ADAM22: variants seen among roughly 807,000 people sequenced by gnomAD.
ADAM22 encodes the protein disintegrin and metalloproteinase domain-containing protein 22.
Under a neutral mutation model 144.6 loss-of-function variants are expected in ADAM22, and 65 were observed. That is an observed-to-expected ratio of 0.45 (90% CI 0.37 to 0.55). The LOEUF (loss-of-function observed/expected upper bound fraction) is 0.55. ADAM22 is among the 20% of genes least tolerant of loss of function. The probability of loss-of-function intolerance (pLI) is 0.00; values close to 1 mark genes in which losing one functional copy is unlikely to be tolerated. For missense variants in ADAM22, 974 were observed against 1,184.9 expected, an observed-to-expected ratio of 0.82 and a Z score of 2.61; for synonymous variants, 391 against 412.6, an observed-to-expected ratio of 0.95 and a Z score of 0.63.
chr7:88,006,683 C>T (rs1407458123), intron 3 of ADAM22, among the ~76,000 whole-genome samples: 2 of 148,470 alleles, frequency 1.3e-5, no homozygotes, highest in Non-Finnish European at 3.0e-5. Context: ...CAGAAAAGGC[C>T]TTTGACAAAA....
At chr7:88,008,502 A>G (rs1276705864) in intron 3 of ADAM22, among the ~76,000 whole-genome samples, 4 of 152,202 alleles carry the variant, frequency 2.6e-5, no homozygotes, top group Non-Finnish European at 5.9e-5. Flanking sequence ...AACCAAGGCA[A>G]ATGTCCAACA....
chr7:88,047,233 T>C (rs1804909282), intron 3 of ADAM22, among the ~76,000 whole-genome samples: 1 of 152,222 alleles, frequency 6.6e-6, no homozygotes, highest in South Asian at 2.1e-4. Context: ...ACTTAAACTC[T>C]CAGGCAGGCT....
At chr7:88,052,681 A>C (rs1394184450) in intron 3 of ADAM22, among the ~76,000 whole-genome samples, 7 of 152,050 alleles carry the variant, frequency 4.6e-5, no homozygotes, top group African/African-American at 1.7e-4. Flanking sequence ...TTCCTTGTTT[A>C]TCTCTATTGT....
In ADAM22 at chr7:88,136,027, A is replaced by G. The variant is rs986193445; in HGVS notation, c.1216A>G (p.Thr406Ala). The G allele has an allele frequency of 6.2e-7, 1 of 1,612,206 alleles. No homozygotes were observed. The highest frequency in any genetic ancestry group is 8.5e-7 in the Non-Finnish European group (1 of 1,178,976). Residue 406 changes from threonine to alanine, a missense_variant, in exon 14 of 32, where the codon ACT becomes GCT. By Grantham distance (58) the Thr-to-Ala change is moderately conservative. Around this residue, in one of 2 missense-constraint regions of ADAM22, gnomAD observed 734 missense variants for 950.6 expected, o/e 0.77. Coordinates refer to ENST00000413139, the MANE Select transcript of ADAM22 (RefSeq NM_001324418.2). ...DTWSGCIMGD[T>A]GYYLPKKFTQ... ...GTGGTCCGGGTGCATAATGGGAGAC[A>G]CTGGGTGAGCCACTTGTATTTGAAA...
rs532251686 is a variant in ADAM22 at position 88,021,991 on chromosome 7, G to T, written c.323+43579G>T. ...GGGCTCAAGTGATCCTCCCATTTCC[G>T]CCTCCCGAATGTTGAGGACTACAGA... On this transcript the variant is annotated intron_variant, in intron 3 of 31. Transcript: ENST00000413139. 4.6e-5 allele frequency among the ~76,000 whole-genome samples: 7 copies of T among 151,858 alleles called. No individual in the cohort carries two copies. The East Asian group carries it at 1.2e-3, about 25-fold the overall frequency.
intron 4 of ADAM22, among the ~76,000 whole-genome samples, chr7:88,095,897 T>C (rs1270729388): frequency 6.6e-6 from 1 of 152,084 alleles, no homozygotes; most frequent in Non-Finnish European, 1.5e-5. Flanking sequence ...CTTGTTAGAA[T>C]TTTTTGTAAA....
At chr7:87,973,928 G>A (rs1851189978) in intron 2 of ADAM22, among the ~76,000 whole-genome samples, 2 of 151,948 alleles carry the variant, frequency 1.3e-5, no homozygotes, top group Non-Finnish European at 2.9e-5. Context: ...TCACACACCG[G>A]GGACTGTTGT....
At chr7:87,935,555 T>C (rs769643015) in intron 2 of ADAM22, among the ~76,000 whole-genome samples, 5 of 152,120 alleles carry the variant, frequency 3.3e-5, no homozygotes, top group Admixed American at 2.0e-4. Context: ...GTTTTACTCC[T>C]CAAAGAGACT....
At chr7:88,109,718 T>TGA (rs1349829229) in intron 5 of ADAM22, among the ~76,000 whole-genome samples, 5 of 148,958 alleles carry the variant, frequency 3.4e-5, no homozygotes, top group Non-Finnish European at 7.4e-5. Context: ...GCTTTTTTTT[T>TGA]GAGAGAGAGA....
intron 3 of ADAM22, among the ~76,000 whole-genome samples, chr7:88,033,388 A>G (rs1157623032): frequency 1.3e-5 from 2 of 152,236 alleles, no homozygotes; most frequent in Non-Finnish European, 2.9e-5. Flanking sequence ...ACTTTCTGGC[A>G]ATCAAACAGA....
In ADAM22 at chr7:88,067,472, A is replaced by G. The variant is rs773959080; in HGVS notation, c.324-8154A>G. Among the ~76,000 whole-genome samples the G allele has an allele frequency of 1.1e-4, 17 of 152,028 alleles. 1 individual carries two copies. The highest frequency in any genetic ancestry group is 2.1e-4 in the Non-Finnish European group (14 of 68,012). ...TGAGCCACAATGATCAGATATGCCA[A>G]CAGGCCATTATATGTTAATAGAATT... On this transcript the variant is annotated intron_variant, in intron 3 of 31. Transcript: ENST00000413139.
chr7:87,949,107 T>A (rs1159828661), intron 2 of ADAM22, among the ~76,000 whole-genome samples: 1 of 152,246 alleles, frequency 6.6e-6, no homozygotes, highest in Non-Finnish European at 1.5e-5. Flanking sequence ...TCTACTTTTA[T>A]GGCTAAAGCC....
intron 3 of ADAM22, among the ~76,000 whole-genome samples, chr7:87,981,255 A>T (rs562202354): frequency 6.6e-6 from 1 of 152,264 alleles, no homozygotes; most frequent in South Asian, 2.1e-4. Flanking sequence ...ATATATAACA[A>T]TTAGGAAAAA....
At chr7:88,183,570 T>G (rs998575846) in intron 29 of ADAM22, among the ~76,000 whole-genome samples, 1 of 152,132 alleles carries the variant, frequency 6.6e-6, no homozygotes, top group African/African-American at 2.4e-5. Flanking sequence ...TCACATTGTA[T>G]GATTAAAATT....
chr7:87,969,945 A>G (rs1390608304), intron 2 of ADAM22, among the ~76,000 whole-genome samples: 2 of 152,232 alleles, frequency 1.3e-5, no homozygotes, highest in Admixed American at 6.5e-5. Flanking sequence ...AGTCATAAGT[A>G]TAGAAATACA....
At chr7:87,966,182 C>T (rs527377909) in intron 2 of ADAM22, among the ~76,000 whole-genome samples, 95 of 152,300 alleles carry the variant, frequency 6.2e-4, no homozygotes, top group Middle Eastern at 3.4e-3. Flanking sequence ...CATTTCTCCC[C>T]GGCCTTTTCT....
chr7:88,160,513 C>T (rs370859593), intron 22 of ADAM22, among the ~76,000 whole-genome samples: 5 of 152,158 alleles, frequency 3.3e-5, no homozygotes, highest in African/African-American at 1.2e-4. Context: ...AAAACAGATA[C>T]ATAGACCAAT....
At chr7:88,075,483 T>A (rs200274151) in intron 3 of ADAM22, 143 bp from the exon 4 acceptor site, 5 of 481,344 alleles carry the variant, frequency 1.0e-5, no homozygotes, top group Non-Finnish European at 1.4e-5. Context: ...TGTGTGAGTG[T>A]GAGAGAGAGA....
In ADAM22 at chr7:88,136,051, A is replaced by G. The variant is rs774477067; in HGVS notation, c.1220+20A>G. The G allele has an allele frequency of 1.9e-6, 3 of 1,609,654 alleles. No homozygotes were observed. Among genetic ancestry groups the G allele is most frequent in the Non-Finnish European group, 2.5e-6 (3 of 1,177,320 alleles). ...CACTGGGTGAGCCACTTGTATTTGA[A>G]AATAACTCAGTCTTACATTCCCTGC... is the stretch of plus-strand genomic sequence containing the variant. On this transcript the variant is annotated intron_variant, in intron 14 of 31. Coordinates refer to ENST00000413139, the MANE Select transcript of ADAM22 (RefSeq NM_001324418.2).
Sources: allele counts gnomAD v4.1 joint callset (sites outside exome capture counted in the v4.1 genomes callset), GRCh38; gene constraint gnomAD v4.1.1; regional missense constraint gnomAD v4.1.1; transcripts MANE v1.5; gene names NCBI Gene and HGNC (gene_info 2026-07-23, HGNC 2026-07-21).